FAM163A: variants seen among roughly 807,000 people sequenced by gnomAD.
FAM163A encodes the protein family with sequence similarity 163 member A.
FAM163A carries 7 observed loss-of-function variants against 12.0 expected under a neutral mutation model. That is an observed-to-expected ratio of 0.58 (90% CI 0.33 to 1.10). The LOEUF is 1.10. FAM163A is among the 50% of genes least tolerant of loss of function. FAM163A has a pLI of 0.03. For missense variants in FAM163A, 202 were observed against 218.6 expected, an observed-to-expected ratio of 0.92 and a Z score of 0.48; for synonymous variants, 101 against 91.0, an observed-to-expected ratio of 1.11 and a Z score of -0.62.
chr1:179,799,749 C>G (rs779113962), intron 1 of FAM163A, among the ~76,000 whole-genome samples: 1 of 152,228 alleles, frequency 6.6e-6, no homozygotes, highest in Non-Finnish European at 1.5e-5. Context: ...CAGCACTGGC[C>G]TCTCTGAAGC....
upstream of FAM163A, among the ~76,000 whole-genome samples, chr1:179,738,388 T>G (rs1305095090): frequency 6.6e-6 from 1 of 152,170 alleles, no homozygotes; most frequent in Non-Finnish European, 1.5e-5. Context: ...ACATGTCAAT[T>G]TAAAATAATA....
At chr1:179,772,148 C>T (rs1461089200) in intron 1 of FAM163A, among the ~76,000 whole-genome samples, 1 of 152,174 alleles carries the variant, frequency 6.6e-6, no homozygotes, top group African/African-American at 2.4e-5. Context: ...GCAACTCCTC[C>T]GGACTTTCTG....
intron 1 of FAM163A, among the ~76,000 whole-genome samples, chr1:179,745,052 G>T (rs74132249): frequency 0.051 from 7,830 of 152,280 alleles, 232 homozygotes; most frequent in African/African-American, 0.073. Flanking sequence ...AAAGGTACAT[G>T]CTCTGAAAAC....
intron 1 of FAM163A, among the ~76,000 whole-genome samples, chr1:179,792,879 A>T (rs955182097): frequency 1.5e-4 from 23 of 149,112 alleles, no homozygotes; most frequent in South Asian, 4.2e-4. Flanking sequence ...CAGATAATAA[A>T]ATATATATAT....
intron 1 of FAM163A, among the ~76,000 whole-genome samples, chr1:179,772,621 T>G (rs1336219455): frequency 2.6e-5 from 4 of 152,170 alleles, no homozygotes; most frequent in Non-Finnish European, 4.4e-5. Flanking sequence ...GCAAGTTTCT[T>G]CTCTGCTTAA....
chr1:179,762,035 G>A (rs142388397), intron 1 of FAM163A, among the ~76,000 whole-genome samples: 1 of 152,264 alleles, frequency 6.6e-6, no homozygotes, highest in African/African-American at 2.4e-5. Context: ...CTGAAAGGGT[G>A]CTGCTTAACG....
chr1:179,733,891 C>A, the FAM163A span, among the ~76,000 whole-genome samples: 1 of 152,210 alleles, frequency 6.6e-6, no homozygotes, highest in Admixed American at 6.5e-5. Context: ...GTCGTCTTAT[C>A]TTCCTCCTTG....
intron 1 of FAM163A, among the ~76,000 whole-genome samples, chr1:179,795,195 A>G (rs7552673): frequency 0.45 from 68,104 of 152,042 alleles, 16,554 homozygotes; most frequent in African/African-American, 0.64. Context: ...GCCGGGCATG[A>G]TGGCTCATGC....
At chr1:179,797,650 A>G (rs1017724905) in intron 1 of FAM163A, among the ~76,000 whole-genome samples, 1 of 152,096 alleles carries the variant, frequency 6.6e-6, no homozygotes, top group Admixed American at 6.6e-5. Context: ...CCATTCTACA[A>G]TGTGTACCTA....
At chr1:179,813,722 T>G (rs1557984464) in intron 4 of FAM163A, 57 bp from the exon 5 acceptor site, 2 of 1,598,634 alleles carry the variant, frequency 1.3e-6, no homozygotes, top group East Asian at 4.5e-5. Context: ...CGCTCAAAAA[T>G]GCATGGGGCG....
At chr1:179,810,245 G>A (rs530125009) in intron 2 of FAM163A, among the ~76,000 whole-genome samples, 1 of 152,254 alleles carries the variant, frequency 6.6e-6, no homozygotes, top group African/African-American at 2.4e-5. Context: ...AACCATGAAG[G>A]GCATTGCAAT....
At chr1:179,754,017 T>C (rs1485734049) in intron 1 of FAM163A, among the ~76,000 whole-genome samples, 1 of 152,332 alleles carries the variant, frequency 6.6e-6, no homozygotes, top group East Asian at 1.9e-4. Context: ...ACCACATGAT[T>C]GATGTTAATA....
chr1:179,736,471 T>C, the FAM163A span, among the ~76,000 whole-genome samples: 1 of 152,162 alleles, frequency 6.6e-6, no homozygotes, highest in Non-Finnish European at 1.5e-5. Flanking sequence ...CAGAACTATA[T>C]TGAGATATCA....
At chr1:179,796,602 G>C (rs1692354461) in intron 1 of FAM163A, among the ~76,000 whole-genome samples, 1 of 152,084 alleles carries the variant, frequency 6.6e-6, no homozygotes, top group Non-Finnish European at 1.5e-5. Flanking sequence ...TGTCATGCTG[G>C]CTCTTTGATA....
At chr1:179,742,760 T>C (rs952673569), upstream of FAM163A, 8 of 152,382 alleles carry the variant, frequency 5.2e-5, no homozygotes, top group African/African-American at 1.9e-4. Context: ...TCCTGCCTCT[T>C]CCTGCCAGAC....
At chr1:179,796,971 T>A (rs1292213290) in intron 1 of FAM163A, among the ~76,000 whole-genome samples, 1 of 152,186 alleles carries the variant, frequency 6.6e-6, no homozygotes, top group African/African-American at 2.4e-5. Context: ...CACAGGCCTG[T>A]GTATGACACG....
rs1421252262 is a variant in FAM163A, at chr1:179,814,145, C to A, written c.460C>A (p.Arg154Ser). 1.2e-6 allele frequency: 2 copies of A among 1,614,060 alleles called. No homozygotes were observed. Among genetic ancestry groups the A allele is most frequent in the African/African-American group, 1.3e-5 (1 of 74,950 alleles). The change falls in exon 5 of 5, where the codon CGT (arginine) becomes AGT (serine). Residue 154 changes from arginine (R) to serine (S), a missense_variant. By Grantham distance (110) the Arg-to-Ser change is moderately radical (BLOSUM62 -1). Coordinates refer to ENST00000341785, the MANE Select transcript of FAM163A (RefSeq NM_173509.3). ...SYPVTWPGSG[R>S]EAFTNPRAIS... ...CCCGGTGACCTGGCCAGGCTCTGGG[C>A]GTGAGGCCTTCACCAATCCAAGGGC...
intron 3 of FAM163A, among the ~76,000 whole-genome samples, chr1:179,812,788 G>A (rs151002478): frequency 1.3e-5 from 2 of 152,328 alleles, no homozygotes; most frequent in Non-Finnish European, 2.9e-5. Context: ...ACGCAGAAGC[G>A]GGAGCTAAGA....
chr1:179,792,770 C>G (rs1214050683), intron 1 of FAM163A, among the ~76,000 whole-genome samples: 6 of 152,114 alleles, frequency 3.9e-5, no homozygotes, highest in Admixed American at 3.9e-4. Context: ...TTCATTCATT[C>G]TGTAAACATG....
Sources: gnomAD v4.1 joint callset for allele counts (sites outside exome capture counted in the v4.1 genomes callset) on GRCh38, gnomAD v4.1.1 for gene constraint, MANE v1.5 for transcripts, NCBI Gene and HGNC (gene_info 2026-07-23, HGNC 2026-07-21) for gene names.